The following CADM1 variants were observed in gnomAD, a reference collection of about 807,000 sequenced individuals.
CADM1 encodes cell adhesion molecule 1.
In CADM1, 15 loss-of-function variants were observed where a neutral mutation model predicts 53.1. The ratio of observed to expected loss-of-function variants is 0.28; its 90% CI spans 0.19 to 0.44. The LOEUF (loss-of-function observed/expected upper bound fraction) is 0.44. CADM1 is among the 20% of genes least tolerant of loss of function. CADM1 has a pLI of 1.00. For synonymous variants in CADM1, 281 were observed against 243.0 expected (o/e 1.16, Z -1.45); for missense variants, 434 against 611.3 (o/e 0.71, Z 3.06).
chr11:115,284,114 CTGTGTGTG>C (rs751286330), intron 1 of CADM1, among the ~76,000 whole-genome samples: 21 of 98,680 alleles, frequency 2.1e-4, no homozygotes, highest in Admixed American at 1.6e-3. Context: ...CTCTCTCTCT[CTGTGTGTG>C]TGTGTGTGTG....
chr11:115,308,621 G>A (rs1047774941), intron 1 of CADM1, among the ~76,000 whole-genome samples: 6 of 151,948 alleles, frequency 3.9e-5, no homozygotes, highest in East Asian at 1.9e-4. Flanking sequence ...TCGTAGAAAG[G>A]TATAGATATC....
intron 1 of CADM1, among the ~76,000 whole-genome samples, chr11:115,385,948 T>C (rs776651490): frequency 6.6e-6 from 1 of 152,244 alleles, no homozygotes; most frequent in Non-Finnish European, 1.5e-5. Flanking sequence ...CTTCCCTGCA[T>C]TGGGATTTCC....
intron 1 of CADM1, among the ~76,000 whole-genome samples, chr11:115,305,900 CAAA>C (rs35517673): frequency 9.9e-5 from 8 of 80,810 alleles, no homozygotes; most frequent in African/African-American, 1.4e-4. Context: ...GACTCCATCT[CAAA>C]AAAAAAAAAA....
intron 1 of CADM1, among the ~76,000 whole-genome samples, chr11:115,473,164 T>G (rs1478386350): frequency 2.0e-5 from 3 of 152,190 alleles, no homozygotes; most frequent in Non-Finnish European, 4.4e-5. Context: ...ATCTGAGGTT[T>G]AAAAAGTAAG....
At chr11:115,490,640 C>T (rs750616607) in intron 1 of CADM1, among the ~76,000 whole-genome samples, 2 of 152,040 alleles carry the variant, frequency 1.3e-5, no homozygotes, top group South Asian at 2.1e-4. Context: ...CCTTGTGATC[C>T]GCCCACCTGG....
chr11:115,371,087 T>C (rs559880992), intron 1 of CADM1, among the ~76,000 whole-genome samples: 13 of 152,204 alleles, frequency 8.5e-5, no homozygotes, highest in African/African-American at 2.9e-4. Flanking sequence ...GGGAAAATAA[T>C]AGAAATATAG....
chr11:115,422,904 C>G (rs1030747530), intron 1 of CADM1, among the ~76,000 whole-genome samples: 2 of 152,094 alleles, frequency 1.3e-5, no homozygotes, highest in Non-Finnish European at 2.9e-5. Context: ...TGTCAGAAAA[C>G]CCCAAGCGAA....
chr11:115,199,851 A>G (rs994904136), intron 8 of CADM1, among the ~76,000 whole-genome samples: 1 of 152,216 alleles, frequency 6.6e-6, no homozygotes, highest in Admixed American at 6.5e-5. Flanking sequence ...GCAGCTATTT[A>G]GCTGGCAATT....
rs1418730260 is a variant in CADM1 at position 115,478,998 on chromosome 11, A to G, written c.124+25273T>C. ...GCAGCAGTTACATCTTTCTACGTAT[A>G]TATTTGTGCACTTGTAAAACTATGT... On this transcript the variant is annotated intron_variant, in intron 1 of 11. Transcript: ENST00000331581. Among the ~76,000 whole-genome samples the G allele has an allele frequency of 2.0e-5, 3 of 152,238 alleles. No homozygotes were observed. In the South Asian group the frequency reaches 6.2e-4, roughly 31 times the overall value.
chr11:115,245,252 A>C (rs1942372510), intron 1 of CADM1, among the ~76,000 whole-genome samples: 1 of 152,202 alleles, frequency 6.6e-6, no homozygotes, highest in Admixed American at 6.5e-5. Flanking sequence ...CTAACATTAA[A>C]TCAGCACATA....
chr11:115,387,935 A>G (rs1040504006), intron 1 of CADM1, among the ~76,000 whole-genome samples: 3 of 152,078 alleles, frequency 2.0e-5, no homozygotes, highest in African/African-American at 7.2e-5. Flanking sequence ...AAACTACCCA[A>G]AAAACAAAAA....
At chr11:115,354,835 AG>A (rs1167654734) in intron 1 of CADM1, among the ~76,000 whole-genome samples, 3 of 152,342 alleles carry the variant, frequency 2.0e-5, no homozygotes, top group African/African-American at 7.2e-5. Context: ...TCATTAAAAA[AG>A]GACTCTCAAC....
rs1938772037 is a variant in CADM1, at chr11:115,170,984, C to A, written c.*5490G>T. 6.6e-6 allele frequency: 1 copy of A among 152,186 alleles called. No homozygotes were observed. Among genetic ancestry groups the A allele is most frequent in the African/African-American group, 2.4e-5 (1 of 41,440 alleles). 9.4% of individuals were successfully genotyped at this position (152,186 alleles called of 1,614,324 possible). On this transcript the variant is annotated 3_prime_UTR_variant, in exon 12 of 12. Transcript: ENST00000331581. Reference sequence around the variant, plus strand: ...AACGTAAGGCTCAGTCAGCCAGGTGCTCGACTCTTCTCCCTTTAATCAGCT... The same window carrying A: ...AACGTAAGGCTCAGTCAGCCAGGTGATCGACTCTTCTCCCTTTAATCAGCT...
intron 1 of CADM1, among the ~76,000 whole-genome samples, chr11:115,387,464 G>A (rs1946727273): frequency 6.6e-6 from 1 of 152,054 alleles, no homozygotes; most frequent in African/African-American, 2.4e-5. Context: ...TATGAAGAGA[G>A]GTGAGAAAAA....
intron 7 of CADM1, among the ~76,000 whole-genome samples, chr11:115,212,724 T>A (rs778646375): frequency 3.9e-5 from 6 of 152,198 alleles, no homozygotes; most frequent in Non-Finnish European, 8.8e-5. Flanking sequence ...GTATTTTGGT[T>A]CTAAAACACA....
intron 8 of CADM1, among the ~76,000 whole-genome samples, chr11:115,203,862 A>G (rs1466145909): frequency 6.6e-6 from 1 of 151,496 alleles, no homozygotes; most frequent in Non-Finnish European, 1.5e-5. Flanking sequence ...AATTATCAGG[A>G]AAAAAAAATG....
At chr11:115,357,087 C>G (rs940008921) in intron 1 of CADM1, among the ~76,000 whole-genome samples, 6 of 152,120 alleles carry the variant, frequency 3.9e-5, no homozygotes, top group African/African-American at 1.4e-4. Flanking sequence ...AATATATGCT[C>G]TCTTCATCCC....
rs1325906345 is a variant in CADM1, at chr11:115,260,670, ATTTAT to A, written c.125-20255_125-20251del. Among the ~76,000 whole-genome samples the A allele has an allele frequency of 4.9e-3, 738 of 151,936 alleles. 7 individuals carry two copies. The highest frequency in any genetic ancestry group is 0.017 in the African/African-American group (711 of 41,450). ...AAGTGCTTTTTTTAAATTTTTATTTATTTATTTTATTTATTTTTTTCAGACGGGGT... is the reference window on the plus strand; with the variant it reads ...AAGTGCTTTTTTTAAATTTTTATTTATTTATTTATTTTTTTCAGACGGGGT... On this transcript the variant is annotated intron_variant, in intron 1 of 11. Transcript: ENST00000331581.
intron 8 of CADM1, among the ~76,000 whole-genome samples, chr11:115,207,511 G>A (rs1940753591): frequency 6.7e-6 from 1 of 150,274 alleles, no homozygotes; most frequent in Non-Finnish European, 1.5e-5. Flanking sequence ...TAAGAGCTGT[G>A]AACTGAAGCG....
Sources: gnomAD v4.1 joint callset for allele counts (sites outside exome capture counted in the v4.1 genomes callset) on GRCh38, gnomAD v4.1.1 for gene constraint, MANE v1.5 for transcripts, NCBI Gene and HGNC (gene_info 2026-07-23, HGNC 2026-07-21) for gene names.